Variants in PCSK6 observed in about 807,000 individuals in gnomAD.
The protein encoded by PCSK6 is paired basic amino acid cleaving enzyme 4.
Under a neutral mutation model 123.3 loss-of-function variants are expected in PCSK6, and 85 were observed. The observed-to-expected ratio is 0.69, with a 90% CI of 0.58 to 0.83. The LOEUF is 0.83. Among genes scored for constraint, PCSK6 ranks in the 40% least tolerant of loss-of-function variants. The probability of loss-of-function intolerance (pLI) is 0.00; values close to 1 mark genes in which losing one functional copy is unlikely to be tolerated. For synonymous variants in PCSK6, 508 were observed against 516.0 expected, an observed-to-expected ratio of 0.98 and a Z score of 0.21; for missense variants, 1,191 against 1,282.3, an observed-to-expected ratio of 0.93 and a Z score of 1.09.
chr15:101,453,933 A>G (rs1224799815), intron 1 of PCSK6, among the ~76,000 whole-genome samples: 1 of 152,170 alleles, frequency 6.6e-6, no homozygotes, highest in Non-Finnish European at 1.5e-5. Flanking sequence ...TGCACAGCAC[A>G]CCTGGGCACG....
Position 101,398,642 on chromosome 15 carries a change from G to A in PCSK6, c.824-66C>T. 6.5e-7 allele frequency: 1 copy of A among 1,541,058 alleles called. No homozygotes were observed. Among genetic ancestry groups the A allele is most frequent in the South Asian group, 1.2e-5 (1 of 85,202 alleles). ...CGGGCACACAGCGACGGGAACCCGG[G>A]CCCAGGAGGCTCGGATGAGGACACC... is the stretch of plus-strand genomic sequence containing the variant. On this transcript the variant is annotated intron_variant, in intron 6 of 21. Coordinates refer to ENST00000611716, the MANE Select transcript of PCSK6 (RefSeq NM_002570.5). The surrounding 1 kb of genome is among the most constrained non-coding windows in gnomAD (Gnocchi z 4.6).
chr15:101,315,733 G>T (rs1309021051), intron 19 of PCSK6, among the ~76,000 whole-genome samples: 1 of 152,252 alleles, frequency 6.6e-6, no homozygotes, highest in Non-Finnish European at 1.5e-5. Context: ...CTTGGTATGT[G>T]TGTGCCCTGC....
At chr15:101,367,288 T>G (rs117000886) in intron 12 of PCSK6, among the ~76,000 whole-genome samples, 1 of 152,358 alleles carries the variant, frequency 6.6e-6, no homozygotes, top group South Asian at 2.1e-4. Flanking sequence ...CCAGGTTTTT[T>G]CCTCTTATTC....
intron 1 of PCSK6, among the ~76,000 whole-genome samples, chr15:101,465,401 G>T (rs537198192): frequency 1.3e-5 from 2 of 152,224 alleles, no homozygotes; most frequent in African/African-American, 4.8e-5. Context: ...ATGGAAACAG[G>T]ACCATCTGAT....
chr15:101,461,086 T>A (rs1286473946), intron 1 of PCSK6, among the ~76,000 whole-genome samples: 1 of 152,130 alleles, frequency 6.6e-6, no homozygotes, highest in African/African-American at 2.4e-5. Flanking sequence ...TGCAGTTCTT[T>A]AAAAATCTGG....
chr15:101,415,709 G>C (rs1037097068), intron 6 of PCSK6, among the ~76,000 whole-genome samples: 1 of 152,178 alleles, frequency 6.6e-6, no homozygotes, highest in Non-Finnish European at 1.5e-5. Context: ...AGGGACTCAG[G>C]GGGAGGTAAT....
At chr15:101,351,120 C>T (rs1254510817) in intron 13 of PCSK6, among the ~76,000 whole-genome samples, 2 of 152,148 alleles carry the variant, frequency 1.3e-5, no homozygotes, top group East Asian at 1.9e-4. Context: ...CTACTGGACC[C>T]CTCTTTTACC....
chr15:101,324,351 G>A (rs1002753748), intron 17 of PCSK6, among the ~76,000 whole-genome samples: 1 of 152,314 alleles, frequency 6.6e-6, no homozygotes, highest in Non-Finnish European at 1.5e-5. Flanking sequence ...CAGCTCTGCC[G>A]AGGAGGGCTC....
chr15:101,367,972 G>A (rs916196096), intron 12 of PCSK6, among the ~76,000 whole-genome samples: 2 of 152,132 alleles, frequency 1.3e-5, no homozygotes, highest in Admixed American at 6.5e-5. Context: ...TCACAGGTGC[G>A]TGCCACCACG....
chr15:101,307,189 C>T, intron 21 of PCSK6, 24 bp downstream of exon 21: 1 of 1,575,784 alleles, frequency 6.3e-7, no homozygotes, highest in Non-Finnish European at 8.7e-7. Context: ...CAGGCAGCCC[C>T]AGGGTAACCC....
chr15:101,348,335 A>G (rs992783211), intron 13 of PCSK6, among the ~76,000 whole-genome samples: 3 of 152,270 alleles, frequency 2.0e-5, no homozygotes, highest in Non-Finnish European at 4.4e-5. Context: ...GGGCTGGGCC[A>G]GTCTGGGGAG....
At chr15:101,413,017 G>GGAA (rs2055755332) in intron 6 of PCSK6, among the ~76,000 whole-genome samples, 5 of 141,996 alleles carry the variant, frequency 3.5e-5, no homozygotes, top group African/African-American at 5.3e-5. Flanking sequence ...AGGAGGAGGA[G>GGAA]GAGGAGGAGG....
chr15:101,342,038 G>C (rs1399452452), intron 13 of PCSK6, among the ~76,000 whole-genome samples: 1 of 144,578 alleles, frequency 6.9e-6, no homozygotes, highest in African/African-American at 2.5e-5. Flanking sequence ...GCTGAAGCAG[G>C]AGAATTGCTT....
At chr15:101,417,248 C>G (rs983719758) in intron 6 of PCSK6, among the ~76,000 whole-genome samples, 7 of 152,312 alleles carry the variant, frequency 4.6e-5, no homozygotes, top group African/African-American at 1.7e-4. Flanking sequence ...GATTCTGACG[C>G]CTCCCCAGCC....
At chr15:101,481,014 G>A (rs7165901) in intron 1 of PCSK6, among the ~76,000 whole-genome samples, 1 of 152,072 alleles carries the variant, frequency 6.6e-6, no homozygotes, top group Non-Finnish European at 1.5e-5. Flanking sequence ...TTATCTCTAA[G>A]TGCCCAGGCC....
In PCSK6 at chr15:101,489,505, C is replaced by CCAG. The variant is rs989508320; in HGVS notation, c.163_165dup (p.Leu55dup). On this transcript the variant is annotated inframe_insertion, in exon 1 of 22. Coordinates refer to ENST00000611716, the MANE Select transcript of PCSK6 (RefSeq NM_002570.5). ...GGCGCGGAGCAGGCGGCAGGCAGCG[C>CCAG]CAGCAGCAGCAGCCAGCGCCAGGGA... is the stretch of plus-strand genomic sequence containing the variant. 23 of 1,050,662 alleles carry CCAG rather than the reference C, an allele frequency of 2.2e-5. No homozygotes were observed. The East Asian group carries it at 5.5e-4, about 25-fold the overall frequency. The allele number at this position is 1,050,662 out of a possible 1,614,324, so 65.1% of individuals were successfully genotyped here. A position where few individuals can be genotyped will look rare whatever the true frequency, so the allele number is the denominator to read the frequency against.
At chr15:101,380,287 C>T (rs929431519) in intron 11 of PCSK6, among the ~76,000 whole-genome samples, 7 of 152,200 alleles carry the variant, frequency 4.6e-5, no homozygotes, top group African/African-American at 1.2e-4. Flanking sequence ...CATCTTAAAA[C>T]GATTTCTGGC....
At chr15:101,408,077 G>A (rs2141609505) in intron 6 of PCSK6, among the ~76,000 whole-genome samples, 1 of 152,316 alleles carries the variant, frequency 6.6e-6, no homozygotes. Context: ...AAGCCAGTGA[G>A]AGCCGGCAGC....
chr15:101,338,786 C>T (rs2040538343), intron 13 of PCSK6, among the ~76,000 whole-genome samples: 2 of 152,168 alleles, frequency 1.3e-5, no homozygotes, highest in South Asian at 4.1e-4. Context: ...ATCACAAATC[C>T]ACCTGTTTAA....
Sources: allele counts gnomAD v4.1 joint callset (sites outside exome capture counted in the v4.1 genomes callset), GRCh38; gene constraint gnomAD v4.1.1; non-coding constraint Gnocchi (gnomAD v3.1); transcripts MANE v1.5; gene names NCBI Gene and HGNC (gene_info 2026-07-23, HGNC 2026-07-21).